The following FSTL5 variants were observed in gnomAD, a reference collection of about 807,000 sequenced individuals.
FSTL5 encodes follistatin-related protein 5.
FSTL5 carries 62 observed loss-of-function variants against 89.1 expected under a neutral mutation model. That is an observed-to-expected ratio of 0.70 (90% CI 0.57 to 0.86). The LOEUF is 0.86. FSTL5 is among the 40% of genes least tolerant of loss of function. The probability of loss-of-function intolerance (pLI) is 0.00; values close to 1 mark genes in which losing one functional copy is unlikely to be tolerated. For synonymous variants in FSTL5, 383 were observed against 346.2 expected, an observed-to-expected ratio of 1.11 and a Z score of -1.18; for missense variants, 1,057 against 1,001.6, an observed-to-expected ratio of 1.06 and a Z score of -0.75.
chr4:161,730,463 AATT>A (rs1305262795), intron 6 of FSTL5, among the ~76,000 whole-genome samples: 17 of 151,940 alleles, frequency 1.1e-4, no homozygotes, highest in Admixed American at 5.2e-4. Context: ...ATTTATTTAA[AATT>A]ATTTTTAATT....
At chr4:161,833,598 G>C (rs796298458) in intron 4 of FSTL5, among the ~76,000 whole-genome samples, 2 of 151,722 alleles carry the variant, frequency 1.3e-5, no homozygotes, top group East Asian at 3.9e-4. Context: ...AGGATAGTTA[G>C]CTCTTCTTGT....
Position 161,562,548 on chromosome 4 carries a change from T to C in FSTL5, c.1016-19855A>G, listed in dbSNP as rs1033992761. On this transcript the variant is annotated intron_variant, in intron 8 of 15. Coordinates refer to ENST00000306100, the MANE Select transcript of FSTL5 (RefSeq NM_020116.5). Reference sequence around the variant, plus strand: ...TTTGGCTTTCAGTATAAAAGTCTTCTGCTTATTTGGTTAAGTTTACTCTTA... The same window carrying C: ...TTTGGCTTTCAGTATAAAAGTCTTCCGCTTATTTGGTTAAGTTTACTCTTA... 2.0e-5 allele frequency among the ~76,000 whole-genome samples: 3 copies of C among 152,012 alleles called. No individual in the cohort carries two copies. The East Asian group carries it at 5.8e-4, about 29-fold the overall frequency.
At chr4:161,673,898 C>A (rs1291667138) in intron 6 of FSTL5, among the ~76,000 whole-genome samples, 2 of 151,554 alleles carry the variant, frequency 1.3e-5, no homozygotes, top group Non-Finnish European at 2.9e-5. Context: ...AATATAAATT[C>A]AAAAAATGTC....
intron 6 of FSTL5, among the ~76,000 whole-genome samples, chr4:161,755,945 G>A (rs1386747833): frequency 2.0e-5 from 3 of 151,952 alleles, no homozygotes; most frequent in Non-Finnish European, 4.4e-5. Context: ...ATTTTATGGA[G>A]AGAGATAAAG....
chr4:161,965,679 A>C (rs1735303488), intron 3 of FSTL5, among the ~76,000 whole-genome samples: 1 of 152,214 alleles, frequency 6.6e-6, no homozygotes, highest in East Asian at 1.9e-4. Flanking sequence ...TAAATGTATA[A>C]AAAAGTGATA....
At chr4:161,447,877 C>T (rs1364973400) in intron 15 of FSTL5, among the ~76,000 whole-genome samples, 4 of 152,018 alleles carry the variant, frequency 2.6e-5, no homozygotes, top group Admixed American at 6.6e-5. Flanking sequence ...TAAAAGTATA[C>T]GTATATACTT....
At chr4:161,491,253 A>G (rs1444841446) in intron 12 of FSTL5, among the ~76,000 whole-genome samples, 36 of 152,032 alleles carry the variant, frequency 2.4e-4, no homozygotes, top group Admixed American at 2.4e-3. Context: ...ATATATACAG[A>G]TTATATAATC....
intron 3 of FSTL5, among the ~76,000 whole-genome samples, chr4:161,977,648 T>C (rs1283596474): frequency 1.5e-5 from 2 of 137,668 alleles, no homozygotes; most frequent in African/African-American, 5.6e-5. Context: ...AAAATAATAA[T>C]AATAATAATA....
At chr4:161,698,017 C>A (rs1738235677) in intron 6 of FSTL5, among the ~76,000 whole-genome samples, 1 of 151,786 alleles carries the variant, frequency 6.6e-6, no homozygotes, top group African/African-American at 2.4e-5. Context: ...GGTTGAAATC[C>A]TAACCCCCAA....
At chr4:162,161,824 T>G (rs1032401331) in intron 1 of FSTL5, among the ~76,000 whole-genome samples, 1 of 152,036 alleles carries the variant, frequency 6.6e-6, no homozygotes, top group African/African-American at 2.4e-5. Context: ...TGTTAGAAAT[T>G]TCACAGCCTA....
intron 4 of FSTL5, among the ~76,000 whole-genome samples, chr4:161,858,319 G>T (rs1478237350): frequency 6.6e-6 from 1 of 152,146 alleles, no homozygotes; most frequent in African/African-American, 2.4e-5. Context: ...CCAGGCTATG[G>T]TATTTTGTTA....
Position 161,924,644 on chromosome 4 carries a change from A to G in FSTL5, c.161-3992T>C, listed in dbSNP as rs978057018. Among the ~76,000 whole-genome samples, 22 of 151,846 alleles carry G rather than the reference A, an allele frequency of 1.4e-4. No homozygotes were observed. The East Asian group carries it at 3.9e-3, about 27-fold the overall frequency. On this transcript the variant is annotated intron_variant, in intron 3 of 15. Transcript: ENST00000306100. ...GGCACAAAGGAGATTGAGATCATGT[A>G]AGACCTCACAAACAATGTACCATGT...
chr4:162,158,191 C>T (rs1400355865), intron 1 of FSTL5, among the ~76,000 whole-genome samples: 1 of 152,038 alleles, frequency 6.6e-6, no homozygotes, highest in African/African-American at 2.4e-5. Context: ...TGAATTTCAT[C>T]TCCAGTAGGA....
intron 4 of FSTL5, among the ~76,000 whole-genome samples, chr4:161,918,772 G>A (rs1461117254): frequency 6.6e-6 from 1 of 151,918 alleles, no homozygotes; most frequent in Non-Finnish European, 1.5e-5. Flanking sequence ...AGCCTCCCGA[G>A]TGGCTGGGAT....
chr4:161,476,130 A>G lies in FSTL5; in HGVS notation c.1608+4890T>C, dbSNP rs998724505. 3.6e-5 allele frequency among the ~76,000 whole-genome samples: 5 copies of G among 140,762 alleles called. No homozygotes were observed. The South Asian group carries it at 6.7e-4, about 19-fold the overall frequency. The allele number at this position is 140,762 out of a possible 152,430, so 92.3% of individuals were successfully genotyped here. On this transcript the variant is annotated intron_variant, in intron 13 of 15. Coordinates refer to ENST00000306100, the MANE Select transcript of FSTL5 (RefSeq NM_020116.5). ...TAAGCATTCAAATCTAATAATTGTG[A>G]TAATTCTAGAGATCAGATTCTTCTC...
chr4:161,739,959 C>A (rs1739949207), intron 6 of FSTL5, among the ~76,000 whole-genome samples: 1 of 151,468 alleles, frequency 6.6e-6, no homozygotes, highest in Non-Finnish European at 1.5e-5. Context: ...ATAAATAATC[C>A]CAGATAGTAA....
At chr4:161,764,945 T>G (rs1740943400) in intron 5 of FSTL5, among the ~76,000 whole-genome samples, 1 of 152,236 alleles carries the variant, frequency 6.6e-6, no homozygotes, top group Non-Finnish European at 1.5e-5. Context: ...CCAGGTACAA[T>G]TGAAAGTACT....
chr4:161,800,344 C>A (rs1729754403), intron 4 of FSTL5, among the ~76,000 whole-genome samples: 1 of 151,594 alleles, frequency 6.6e-6, no homozygotes, highest in African/African-American at 2.4e-5. Context: ...CAAGTTAATG[C>A]CTCCTTTAGA....
chr4:161,966,514 G>A (rs1735331366), intron 3 of FSTL5, among the ~76,000 whole-genome samples: 4 of 152,098 alleles, frequency 2.6e-5, no homozygotes, highest in Non-Finnish European at 5.9e-5. Context: ...TTACAGAGAT[G>A]ATAAAGTTAC....
Sources: gnomAD v4.1 joint callset for allele counts (sites outside exome capture counted in the v4.1 genomes callset) on GRCh38, gnomAD v4.1.1 for gene constraint, MANE v1.5 for transcripts, NCBI Gene and HGNC (gene_info 2026-07-23, HGNC 2026-07-21) for gene names.